RORA: variants seen among roughly 807,000 people sequenced by gnomAD.
The protein encoded by RORA is RAR related orphan receptor A, also known as nuclear receptor ROR-alpha.
In RORA, 7 loss-of-function variants were observed where a neutral mutation model predicts 69.5. The ratio of observed to expected loss-of-function variants is 0.10; its 90% confidence interval spans 0.06 to 0.19. The LOEUF (loss-of-function observed/expected upper bound fraction) is 0.19. RORA is among the 10% of genes least tolerant of loss of function. The pLI, the probability that RORA is intolerant of heterozygous loss-of-function variation, is 1.00. For missense variants in RORA, 457 were observed against 663.0 expected, an observed-to-expected ratio of 0.69 and a Z score of 3.41; for synonymous variants, 261 against 240.8, an observed-to-expected ratio of 1.08 and a Z score of -0.78.
chr15:60,888,205 G>A (rs1418879667), intron 1 of RORA, among the ~76,000 whole-genome samples: 1 of 152,160 alleles, frequency 6.6e-6, no homozygotes, highest in African/African-American at 2.4e-5. Flanking sequence ...TGTTGTACCT[G>A]CCCTCTTGCT....
In RORA at chr15:60,542,436, TCACAG is replaced by T. The variant is rs1159692980; in HGVS notation, c.197-10590_197-10586del. On this transcript the variant is annotated intron_variant, in intron 2 of 10. Transcript: ENST00000335670. The stretch of plus-strand genomic sequence containing the variant: ...CTCACACACACCACAGATGCACACC[TCACAG>T]CACAGCACACAGGCACACCTCACAC... 3.6e-3 allele frequency among the ~76,000 whole-genome samples: 495 copies of T among 137,418 alleles called. 11 individuals are homozygous for T. The highest frequency in any genetic ancestry group is 0.016 in the African/African-American group (467 of 29,080). The allele number at this position is 137,418 out of a possible 152,430, so 90.2% of individuals were successfully genotyped here.
At chr15:60,954,574 T>C (rs1439095315) in intron 1 of RORA, among the ~76,000 whole-genome samples, 2 of 152,158 alleles carry the variant, frequency 1.3e-5, no homozygotes, top group African/African-American at 4.8e-5. Context: ...GGATTTGGTA[T>C]TCATCACCTA....
intron 1 of RORA, among the ~76,000 whole-genome samples, chr15:60,757,255 C>T (rs79038707): frequency 0.021 from 3,220 of 152,168 alleles, 106 homozygotes; most frequent in African/African-American, 0.074. Flanking sequence ...CTTTTCTCTC[C>T]CTTGCATCAT....
chr15:61,212,036 C>T (rs1429749142), intron 1 of RORA: 1 of 152,184 alleles, frequency 6.6e-6, no homozygotes, highest in Non-Finnish European at 1.5e-5. Flanking sequence ...TTTCCCATGG[C>T]TAGACCCAGC....
rs1385905327 is a variant in RORA at position 61,147,593 on chromosome 15, T to G, written c.166+81460A>C. Among the ~76,000 whole-genome samples, 2 of 152,192 alleles carry G rather than the reference T, an allele frequency of 1.3e-5. No individual in the cohort carries two copies. Among genetic ancestry groups the G allele is most frequent in the Non-Finnish European group, 2.9e-5 (2 of 68,032 alleles). On this transcript the variant is annotated intron_variant, in intron 1 of 10. Transcript: ENST00000335670. The surrounding 1 kb of genome is among the most constrained non-coding windows in gnomAD (Gnocchi z 4.1). The stretch of plus-strand genomic sequence containing the variant: ...ATTTGAGGAGAAAGTTAGCTGTCCA[T>G]CAGTAACTTCTTCCGCTAGAAAAGG...
At chr15:61,071,604 GA>G in intron 1 of RORA, among the ~76,000 whole-genome samples, 1 of 26,472 alleles carries the variant, frequency 3.8e-5, no homozygotes. Context: ...GAGGGGAGGG[GA>G]GGGGTGGGGA....
chr15:60,636,041 C>G lies in RORA; in HGVS notation c.196+42616G>C, dbSNP rs57749015. Among the ~76,000 whole-genome samples, 180 of 152,270 alleles carry G rather than the reference C, an allele frequency of 1.2e-3. 1 individual carries two copies. The highest frequency in any genetic ancestry group is 4.2e-3 in the African/African-American group (174 of 41,560). On this transcript the variant is annotated intron_variant, in intron 2 of 10. Coordinates refer to ENST00000335670, the MANE Select transcript of RORA (RefSeq NM_134261.3). ...TGCCATTTTTAAAATGCCGAAAGCT[C>G]TCTTCAGGTTAAATAGTCTCTCTGT...
chr15:61,193,467 G>A (rs769236575), intron 1 of RORA, among the ~76,000 whole-genome samples: 1 of 152,122 alleles, frequency 6.6e-6, no homozygotes, highest in Non-Finnish European at 1.5e-5. Context: ...TTGCTGTAGA[G>A]GAACTGCCTG....
At chr15:61,009,004 C>T (rs569305029) in intron 1 of RORA, among the ~76,000 whole-genome samples, 3 of 152,134 alleles carry the variant, frequency 2.0e-5, no homozygotes, top group South Asian at 2.1e-4. Flanking sequence ...ATCAGAGTCT[C>T]GGTTTCCTTA....
intron 1 of RORA, among the ~76,000 whole-genome samples, chr15:60,819,771 A>ACACACACACG (rs1555455788): frequency 2.0e-5 from 3 of 151,288 alleles, no homozygotes; most frequent in African/African-American, 7.3e-5. Context: ...ACACACACAC[A>ACACACACACG]CACACACACA....
intron 1 of RORA, among the ~76,000 whole-genome samples, chr15:60,966,064 T>C (rs762047696): frequency 2.0e-5 from 3 of 152,198 alleles, no homozygotes; most frequent in African/African-American, 7.2e-5. Flanking sequence ...ACAGACCTGG[T>C]TCCTTCTGAG....
At chr15:60,690,869 G>A (rs900039766) in intron 1 of RORA, among the ~76,000 whole-genome samples, 3 of 152,144 alleles carry the variant, frequency 2.0e-5, no homozygotes, top group African/African-American at 7.2e-5. Flanking sequence ...CTGGACCCAG[G>A]AACAATTTCA....
In RORA at chr15:60,775,543, T is replaced by C. The variant is rs116783399; in HGVS notation, c.167-96857A>G. Among the ~76,000 whole-genome samples, 977 of 152,302 alleles carry C rather than the reference T, an allele frequency of 6.4e-3. 12 individuals are homozygous for C. Among genetic ancestry groups the C allele is most frequent in the African/African-American group, 0.02 (828 of 41,560 alleles). ...AGTTCTGATAAAAATCCTTCTTGGA[T>C]ATTTCTGGTCTAAGCTTTAAGATCT... On this transcript the variant is annotated intron_variant, in intron 1 of 10. Transcript: ENST00000335670.
At chr15:61,020,335 T>C (rs1041148783) in intron 1 of RORA, among the ~76,000 whole-genome samples, 2 of 152,082 alleles carry the variant, frequency 1.3e-5, no homozygotes, top group African/African-American at 4.8e-5. Flanking sequence ...ATGAAAGCAC[T>C]CTCTTTGCCC....
At chr15:60,672,281 T>C (rs186436077) in intron 2 of RORA, among the ~76,000 whole-genome samples, 54 of 152,294 alleles carry the variant, frequency 3.5e-4, no homozygotes, top group Non-Finnish European at 6.9e-4. Context: ...TATGTTGCAC[T>C]TGGCTTTCTT....
intron 1 of RORA, among the ~76,000 whole-genome samples, chr15:61,075,840 C>G (rs539612701): frequency 1.4e-4 from 22 of 152,310 alleles, no homozygotes; most frequent in African/African-American, 5.3e-4. Flanking sequence ...GAGAAGCAAG[C>G]AGTCATTCCC....
chr15:61,228,024 TC>T (rs1026648487), intron 1 of RORA, among the ~76,000 whole-genome samples: 13 of 132,984 alleles, frequency 9.8e-5, no homozygotes, highest in Non-Finnish European at 1.6e-4. Flanking sequence ...GTCCCCCCCA[TC>T]CCCCCCAACA....
chr15:60,529,603 T>C (rs555388570), intron 3 of RORA: 2 of 152,328 alleles, frequency 1.3e-5, no homozygotes, highest in African/African-American at 4.8e-5. Context: ...TGAGGAGGTA[T>C]GCAGACAAGA....
chr15:60,947,763 G>A (rs904394997), intron 1 of RORA, among the ~76,000 whole-genome samples: 2 of 151,160 alleles, frequency 1.3e-5, no homozygotes, highest in African/African-American at 4.9e-5. Context: ...CCTGGCTAGT[G>A]CAAAGTGCAG....
Sources: allele counts gnomAD v4.1 joint callset (sites outside exome capture counted in the v4.1 genomes callset), GRCh38; gene constraint gnomAD v4.1.1; non-coding constraint Gnocchi (gnomAD v3.1); transcripts MANE v1.5; gene names NCBI Gene and HGNC (gene_info 2026-07-23, HGNC 2026-07-21).